FRMPD3: variants seen among roughly 807,000 people sequenced by gnomAD.
The protein encoded by FRMPD3 is FERM and PDZ domain containing 3, also known as FERM and PDZ domain-containing protein 3.
In FRMPD3, 42 loss-of-function variants were observed where a neutral mutation model predicts 97.9. That is an observed-to-expected ratio of 0.43 (90% CI 0.34 to 0.55). FRMPD3 has a LOEUF of 0.55. Among genes scored for constraint, FRMPD3 ranks in the 20% least tolerant of loss-of-function variants. The probability of loss-of-function intolerance (pLI) is 0.03; values close to 1 mark genes in which losing one functional copy is unlikely to be tolerated. For missense variants in FRMPD3, 1,303 were observed against 1,457.7 expected (o/e 0.89, Z 1.73); for synonymous variants, 577 against 581.1 (o/e 0.99, Z 0.10).
At chrX:107,514,007 A>G (rs1412331830) in intron 1 of FRMPD3, among the ~76,000 whole-genome samples, 1 of 112,219 alleles carries the variant, frequency 8.9e-6, no homozygotes, top group Non-Finnish European at 1.9e-5. Context: ...TTTCCAGGGA[A>G]GTTCTCTGTG....
chrX:107,603,305 C>G lies in FRMPD3; in HGVS notation c.5266C>G (p.Pro1756Ala), dbSNP rs749452073. Residue 1756 changes from proline to alanine, a missense_variant, in exon 15 of 15, where the codon CCA becomes GCA. By Grantham distance (27) the Pro-to-Ala change is conservative (BLOSUM62 -1). Transcript: ENST00000683843. ...AAAGAATEHP[P>A]GSPTSATVMS... ...TGCAGGGGCAGCCACAGAGCATCCA[C>G]CAGGCTCCCCAACTTCGGCGACTGT... 5.4e-4 allele frequency: 635 copies of G among 1,165,974 alleles called. No homozygotes were observed. The highest frequency in any genetic ancestry group is 6.5e-4 in the Non-Finnish European group (569 of 872,601).
rs1361833453 is a variant in FRMPD3 at position 107,496,891 on chromosome X, C to G, written c.-7-29691C>G. Among the ~76,000 whole-genome samples, 4 of 112,360 alleles carry G rather than the reference C, an allele frequency of 3.6e-5. No homozygotes were observed. The East Asian group carries it at 1.1e-3, about 32-fold the overall frequency. On this transcript the variant is annotated intron_variant, in intron 1 of 14. Transcript: ENST00000683843. ...GGCAAGAATGATCTCCTCTCTGGCACTTCATTGCTGTGCCCTGCAGAGCAG... is the reference window on the plus strand; with the variant it reads ...GGCAAGAATGATCTCCTCTCTGGCAGTTCATTGCTGTGCCCTGCAGAGCAG...
intron 12 of FRMPD3, among the ~76,000 whole-genome samples, chrX:107,568,706 C>T (rs1014855073): frequency 1.8e-5 from 2 of 108,959 alleles, no homozygotes; most frequent in African/African-American, 6.7e-5. Context: ...TGCATCCCAG[C>T]CTGGGGGACA....
chrX:107,600,399 C>T lies in FRMPD3; in HGVS notation c.2360C>T (p.Ser787Leu), dbSNP rs745431112. 4.6e-5 allele frequency: 56 copies of T among 1,210,647 alleles called. No homozygotes were observed. The highest frequency in any genetic ancestry group is 5.6e-5 in the Non-Finnish European group (50 of 895,309). Residue 787 changes from serine (S) to leucine (L), a missense_variant, in exon 15 of 15, where the codon TCG (serine) becomes TTG (leucine). Physicochemically the swap from Ser to Leu is moderately radical, Grantham distance 145. Transcript: ENST00000683843. ...SELTDMSEMM[S>L]AMKQHQNTTY... is the part of the protein sequence containing the mutation. ...CTCACAGACATGTCAGAGATGATGT[C>T]GGCCATGAAGCAGCACCAGAACACC...
chrX:107,527,528 G>A (rs1392542948), intron 2 of FRMPD3, among the ~76,000 whole-genome samples: 1 of 111,985 alleles, frequency 8.9e-6, no homozygotes, highest in Non-Finnish European at 1.9e-5. Context: ...GGACCATGTG[G>A]GATGGAACAA....
intron 4 of FRMPD3, among the ~76,000 whole-genome samples, chrX:107,539,781 G>C (rs1921206405): frequency 9.0e-6 from 1 of 111,450 alleles, no homozygotes; most frequent in African/African-American, 3.3e-5. Context: ...ACTAGGGGGA[G>C]ACATATTAAC....
intron 13 of FRMPD3, among the ~76,000 whole-genome samples, chrX:107,583,251 C>G (rs5962860): frequency 0.056 from 6,167 of 109,833 alleles, 425 homozygotes; most frequent in African/African-American, 0.19. Context: ...TCCCCCACCC[C>G]CAACAGGCCC....
chrX:107,545,622 C>T, intron 4 of FRMPD3, 115 bp from the exon 5 acceptor site: 6 of 513,827 alleles, frequency 1.2e-5, no homozygotes, highest in Non-Finnish European at 2.0e-5. Flanking sequence ...TGTTTATTGA[C>T]TCCTTGATCA....
In FRMPD3 at chrX:107,602,455, CGAG is replaced by C; in HGVS notation, c.4421_4423del (p.Glu1474del). ...GACAGATGGCCGTGTTCTCACTGCC[CGAG>C]GAGGTGTACCGGAAGCCTGCCGAGC... On this transcript the variant is annotated inframe_deletion, in exon 15 of 15. Coordinates refer to ENST00000683843, the MANE Select transcript of FRMPD3 (RefSeq NM_001388459.1). 1.7e-6 allele frequency: 2 copies of C among 1,210,974 alleles called. No homozygotes were observed. The highest frequency in any genetic ancestry group is 2.2e-6 in the Non-Finnish European group (2 of 895,314).
At chrX:107,463,765 CT>C (rs1931514298) in intron 1 of FRMPD3, among the ~76,000 whole-genome samples, 1 of 112,780 alleles carries the variant, frequency 8.9e-6, no homozygotes, top group Admixed American at 9.4e-5. Flanking sequence ...CAGAAGACCT[CT>C]GTTAAAATGC....
chrX:107,501,943 C>T (rs1921920829), intron 1 of FRMPD3, among the ~76,000 whole-genome samples: 1 of 110,297 alleles, frequency 9.1e-6, no homozygotes, highest in Non-Finnish European at 1.9e-5. Context: ...ATGTGGTGAA[C>T]TTACTACATA....
At chrX:107,575,381 G>A (rs2147615873) in intron 12 of FRMPD3, among the ~76,000 whole-genome samples, 1 of 111,868 alleles carries the variant, frequency 8.9e-6, no homozygotes, top group African/African-American at 3.2e-5. Context: ...TGACTAAGGA[G>A]CTCTTTTAAT....
At chrX:107,593,663 A>T (rs776319714) in intron 13 of FRMPD3, among the ~76,000 whole-genome samples, 6 of 110,748 alleles carry the variant, frequency 5.4e-5, no homozygotes, top group Non-Finnish European at 9.5e-5. Context: ...TCCTTTCCCC[A>T]CTTTATGTTT....
chrX:107,465,091 T>C (rs1026907352), intron 1 of FRMPD3, among the ~76,000 whole-genome samples: 1 of 111,829 alleles, frequency 8.9e-6, no homozygotes, highest in African/African-American at 3.3e-5. Context: ...GGATTGGTGG[T>C]GTCAGTGAAG....
At chrX:107,548,892 C>T (rs1048574937) in intron 5 of FRMPD3, among the ~76,000 whole-genome samples, 8 of 111,383 alleles carry the variant, frequency 7.2e-5, no homozygotes, top group African/African-American at 2.0e-4. Context: ...TTGTGAGAAG[C>T]GTGCATAAAT....
Position 107,603,884 on chromosome X carries a change from T to G in FRMPD3, c.*511T>G, listed in dbSNP as rs12006998. ...CCACCTTGGGCTCACACTCACCTGG[T>G]AGATGCCACCCTGAGGGCCTGTGCC... is the stretch of plus-strand genomic sequence containing the variant. On this transcript the variant is annotated 3_prime_UTR_variant, in exon 15 of 15. Coordinates refer to ENST00000683843, the MANE Select transcript of FRMPD3 (RefSeq NM_001388459.1). The G allele has an allele frequency of 8.8e-6, 1 of 113,048 alleles. No individual in the cohort carries two copies. Among genetic ancestry groups the G allele is most frequent in the African/African-American group, 3.3e-5 (1 of 30,459 alleles). The allele number at this position is 113,048 out of a possible 1,213,427, so 9.3% of individuals were successfully genotyped here. A position where few individuals can be genotyped will look rare whatever the true frequency, so the allele number is the denominator to read the frequency against.
At chrX:107,480,050 A>C (rs996105752) in intron 1 of FRMPD3, among the ~76,000 whole-genome samples, 3 of 110,474 alleles carry the variant, frequency 2.7e-5, no homozygotes, top group African/African-American at 6.6e-5. Flanking sequence ...AAAAAAAAAA[A>C]AACCATGATT....
intron 1 of FRMPD3, among the ~76,000 whole-genome samples, chrX:107,471,888 A>G (rs1411528755): frequency 8.9e-6 from 1 of 112,424 alleles, no homozygotes; most frequent in Non-Finnish European, 1.9e-5. Context: ...TGTCTTCCAC[A>G]ATAGTTGAAC....
intron 1 of FRMPD3, among the ~76,000 whole-genome samples, chrX:107,464,823 C>T (rs1931531287): frequency 8.9e-6 from 1 of 111,892 alleles, no homozygotes; most frequent in Non-Finnish European, 1.9e-5. Flanking sequence ...AGCATCTCAG[C>T]TATTTTAAGG....
Sources: gnomAD v4.1 joint callset for allele counts (sites outside exome capture counted in the v4.1 genomes callset) on GRCh38, gnomAD v4.1.1 for gene constraint, MANE v1.5 for transcripts, NCBI Gene and HGNC (gene_info 2026-07-23, HGNC 2026-07-21) for gene names.